MEX3C: variants seen among roughly 807,000 people sequenced by gnomAD.
The protein encoded by MEX3C is RNA-binding E3 ubiquitin-protein ligase MEX3C.
In MEX3C, 15 loss-of-function variants were observed where a neutral mutation model predicts 35.5. The observed-to-expected ratio is 0.42, with a 90% confidence interval of 0.28 to 0.65. The LOEUF (loss-of-function observed/expected upper bound fraction) is 0.65, where lower values mean the gene tolerates loss of function less well. Among genes scored for constraint, MEX3C ranks in the 30% least tolerant of loss-of-function variants. The pLI is 0.20. For missense variants in MEX3C, 711 were observed against 842.8 expected, an observed-to-expected ratio of 0.84 and a Z score of 1.94; for synonymous variants, 390 against 352.8, an observed-to-expected ratio of 1.11 and a Z score of -1.18.
intron 1 of MEX3C, 136 bp downstream of exon 1, chr18:51,196,431 G>A (rs750115093): frequency 1.3e-4 from 180 of 1,424,312 alleles, no homozygotes; most frequent in Non-Finnish European, 1.6e-4. Flanking sequence ...GTCGACCCTC[G>A]GCTCCTCCCA....
intron 1 of MEX3C, chr18:51,194,476 G>A (rs1912729601): frequency 6.6e-6 from 1 of 151,920 alleles, no homozygotes; most frequent in Non-Finnish European, 1.5e-5. Context: ...CGTAATAGCT[G>A]GTACAAAATA....
chr18:51,185,892 C>CT (rs1014303729), intron 1 of MEX3C, among the ~76,000 whole-genome samples: 6 of 149,638 alleles, frequency 4.0e-5, no homozygotes, highest in African/African-American at 1.2e-4. Flanking sequence ...AGACCCCCCC[C>CT]TCTCTATAAT....
chr18:51,180,505 G>A (rs895570333), intron 1 of MEX3C, among the ~76,000 whole-genome samples: 1 of 152,010 alleles, frequency 6.6e-6, no homozygotes, highest in East Asian at 1.9e-4. Flanking sequence ...TTTTTGAGAT[G>A]GAGTCTCTGT....
At chr18:51,181,707 G>C (rs1250489968) in intron 1 of MEX3C, among the ~76,000 whole-genome samples, 1 of 152,190 alleles carries the variant, frequency 6.6e-6, no homozygotes, top group Non-Finnish European at 1.5e-5. Context: ...CATGAGGCTG[G>C]TACAGCTATA....
rs1298766272 is a variant in MEX3C, at chr18:51,197,162, G to C, written c.159C>G (p.Ala53=). The C allele has an allele frequency of 2.9e-6, 3 of 1,050,424 alleles. No homozygotes were observed. The highest frequency in any genetic ancestry group is 3.4e-6 in the Non-Finnish European group (3 of 876,026). 65.1% of individuals were successfully genotyped at this position (1,050,424 alleles called of 1,614,324 possible). A position where few individuals can be genotyped will look rare whatever the true frequency, so the allele number is the denominator to read the frequency against. Residue 53 remains alanine, a synonymous_variant, in exon 1 of 2, where the codon GCC becomes GCG. Transcript: ENST00000406189. ...GDGLLLRERL[A]ALGLDDPSPA... ...GGCTGGGGTCGTCGAGGCCTAGCGCGGCCAAGCGCTCCCTCAGCAGGAGCC... is the reference window on the plus strand; with the variant it reads ...GGCTGGGGTCGTCGAGGCCTAGCGCCGCCAAGCGCTCCCTCAGCAGGAGCC...
chr18:51,176,112 T>C lies in MEX3C; in HGVS notation c.*239A>G, dbSNP rs1226213212. On this transcript the variant is annotated 3_prime_UTR_variant, in exon 2 of 2. Transcript: ENST00000406189. ...CAGCTTTAGCAATTCTTATATAAAC[T>C]ATGTCTCTGGGTCTACAGGATAGTA... 5 of 377,934 alleles carry C rather than the reference T, an allele frequency of 1.3e-5. No homozygotes were observed. Among genetic ancestry groups the C allele is most frequent in the African/African-American group, 4.2e-5 (2 of 48,056 alleles). 23.4% of individuals were successfully genotyped at this position (377,934 alleles called of 1,614,324 possible).
intron 1 of MEX3C, among the ~76,000 whole-genome samples, chr18:51,187,312 G>A (rs1219197824): frequency 6.6e-6 from 1 of 152,072 alleles, no homozygotes; most frequent in African/African-American, 2.4e-5. Flanking sequence ...TACAAACATA[G>A]GCACAACTCA....
intron 1 of MEX3C, among the ~76,000 whole-genome samples, chr18:51,189,320 A>G (rs1568234282): frequency 6.6e-6 from 1 of 152,200 alleles, no homozygotes; most frequent in African/African-American, 2.4e-5. Context: ...AAATCAGAAT[A>G]TAAGAAATGT....
intron 1 of MEX3C, among the ~76,000 whole-genome samples, chr18:51,187,233 A>G (rs1912560515): frequency 6.6e-6 from 1 of 152,198 alleles, no homozygotes; most frequent in Admixed American, 6.5e-5. Context: ...GAGTTATCTG[A>G]ATAACAAACA....
In MEX3C at chr18:51,175,101, A is replaced by G. The variant is rs952929506; in HGVS notation, c.*1250T>C. 6.6e-6 allele frequency: 1 copy of G among 152,664 alleles called. No homozygotes were observed. 9.5% of individuals were successfully genotyped at this position (152,664 alleles called of 1,614,324 possible). On this transcript the variant is annotated 3_prime_UTR_variant, in exon 2 of 2. Transcript: ENST00000406189. ...AATGTAACTCTTCAAGTGGAAATAA[A>G]AAATAAAATTTGTCTATTTACTATT...
Position 51,196,577 on chromosome 18 carries a change from G to T in MEX3C, c.744C>A (p.Val248=). 6.3e-7 allele frequency: 1 copy of T among 1,587,914 alleles called. No individual in the cohort carries two copies. ...CACCCCTGCACTCACCCTGGCGGCC[G>T]ACGATCTCGGCGACGTGCTCGGAGC... ...VPSSEHVAEI[V]GRQGCKIKAL... is the part of the protein sequence containing the mutation. The change falls in exon 1 of 2, where the codon GTC becomes GTA. Residue 248 remains valine (V), a synonymous_variant. Coordinates refer to ENST00000406189, the MANE Select transcript of MEX3C (RefSeq NM_016626.5).
intron 1 of MEX3C, among the ~76,000 whole-genome samples, chr18:51,179,836 G>A (rs780310200): frequency 6.6e-6 from 1 of 152,162 alleles, no homozygotes; most frequent in Non-Finnish European, 1.5e-5. Flanking sequence ...TGAAAGGGGT[G>A]TATAAACACA....
Position 51,197,216 on chromosome 18 carries a change from G to GGGCGGCGGCAGAGGCGGCGGTGGCGGC in MEX3C, c.78_104dup (p.Pro27_Pro35dup), listed in dbSNP as rs1912830847. On this transcript the variant is annotated inframe_insertion, in exon 1 of 2. Coordinates refer to ENST00000406189, the MANE Select transcript of MEX3C (RefSeq NM_016626.5). ...CCCCCTCGAGCTCCGGGCCGCCCGA[G>GGGCGGCGGCAGAGGCGGCGGTGGCGGC]GGCGGCGGCAGAGGCGGCGGTGGCG... 1 of 1,005,546 alleles carries GGGCGGCGGCAGAGGCGGCGGTGGCGGC rather than the reference G, an allele frequency of 9.9e-7. No homozygotes were observed. The highest frequency in any genetic ancestry group is 1.2e-6 in the Non-Finnish European group (1 of 845,692). The allele number at this position is 1,005,546 out of a possible 1,614,324, so 62.3% of individuals were successfully genotyped here. A position where few individuals can be genotyped will look rare whatever the true frequency, so the allele number is the denominator to read the frequency against.
chr18:51,176,895 C>T lies in MEX3C; in HGVS notation c.1436G>A (p.Trp479Ter). 2.5e-6 allele frequency: 4 copies of T among 1,614,022 alleles called. No homozygotes were observed. Among genetic ancestry groups the T allele is most frequent in the Non-Finnish European group, 3.4e-6 (4 of 1,179,900 alleles). Reference protein sequence around the residue: ...PTSPFSTGNFWFGDTLPSVGS... With the variant: ...PTSPFSTGNF ...TACAGATGGTAGTGTATCTCCAAAC[C>T]AGAAGTTTCCTGTGCTAAATGGGCT... The change falls in exon 2 of 2, where the codon TGG becomes TAG. Residue 479 changes from tryptophan (W) to a stop codon, truncating the protein, a stop_gained. Transcript: ENST00000406189. LOFTEE classifies it high-confidence loss of function.
Position 51,196,767 on chromosome 18 carries a change from C to CCCGCCGCCG in MEX3C, c.545_553dup (p.Ala182_Ala184dup). On this transcript the variant is annotated inframe_insertion, in exon 1 of 2. Transcript: ENST00000406189. ...GGCATCGTCCCCTCCGTACAGCACC[C>CCCGCCGCCG]CCGCCGCCGCCGCCGCGGCCGCCGC... 1 of 1,475,526 alleles carries CCCGCCGCCG rather than the reference C, an allele frequency of 6.8e-7. No homozygotes were observed. Among genetic ancestry groups the CCCGCCGCCG allele is most frequent in the Non-Finnish European group, 9.0e-7 (1 of 1,108,148 alleles). 91.4% of individuals were successfully genotyped at this position (1,475,526 alleles called of 1,614,324 possible). A position where few individuals can be genotyped will look rare whatever the true frequency, so the allele number is the denominator to read the frequency against.
At chr18:51,189,283 C>G (rs1912604726) in intron 1 of MEX3C, among the ~76,000 whole-genome samples, 1 of 152,044 alleles carries the variant, frequency 6.6e-6, no homozygotes, top group South Asian at 2.1e-4. Flanking sequence ...TTACTTTTAC[C>G]TCATTTTAGG....
In MEX3C at chr18:51,176,232, T is replaced by A; in HGVS notation, c.*119A>T. 3 of 1,038,950 alleles carry A rather than the reference T, an allele frequency of 2.9e-6. No individual in the cohort carries two copies. In the South Asian group the frequency reaches 5.7e-5, roughly 20 times the overall value. 64.4% of individuals were successfully genotyped at this position (1,038,950 alleles called of 1,614,324 possible). On this transcript the variant is annotated 3_prime_UTR_variant, in exon 2 of 2. Coordinates refer to ENST00000406189, the MANE Select transcript of MEX3C (RefSeq NM_016626.5). ...AAGTTTACTAACAACTTTAGCCTAA[T>A]CCCAATAAAGCCTGATAACAGTCAT...
chr18:51,192,582 A>G (rs1912674952), intron 1 of MEX3C, among the ~76,000 whole-genome samples: 1 of 152,168 alleles, frequency 6.6e-6, no homozygotes, highest in Non-Finnish European at 1.5e-5. Context: ...GGATAGTGGT[A>G]TTTTAAATTA....
chr18:51,180,230 G>C (rs144393777), intron 1 of MEX3C, among the ~76,000 whole-genome samples: 314 of 152,208 alleles, frequency 2.1e-3, no homozygotes, highest in African/African-American at 7.3e-3. Context: ...ATACCTAACA[G>C]GTATATTATT....
Sources: allele counts gnomAD v4.1 joint callset (sites outside exome capture counted in the v4.1 genomes callset), GRCh38; gene constraint gnomAD v4.1.1; transcripts MANE v1.5; gene names NCBI Gene and HGNC (gene_info 2026-07-23, HGNC 2026-07-21).